The following WDR27 variants were observed in gnomAD, a reference collection of about 807,000 sequenced individuals.
WDR27 encodes the protein WD repeat domain 27.
WDR27 carries 100 observed loss-of-function variants against 114.4 expected under a neutral mutation model. That is an observed-to-expected ratio of 0.87 (90% CI 0.74 to 1.03). WDR27 has a LOEUF of 1.03. Ranked by LOEUF, WDR27 falls within the 50% of genes least tolerant of loss-of-function variation. The pLI is 0.00. For missense variants in WDR27, 1,129 were observed against 1,092.9 expected, an observed-to-expected ratio of 1.03 and a Z score of -0.47; for synonymous variants, 449 against 423.1, an observed-to-expected ratio of 1.06 and a Z score of -0.75.
chr6:169,535,832 T>A (rs916878163), intron 25 of WDR27, among the ~76,000 whole-genome samples: 15 of 152,190 alleles, frequency 9.9e-5, no homozygotes, highest in Non-Finnish European at 2.9e-5. Flanking sequence ...CTGTAAATGA[T>A]AAACAAGAGC....
chr6:169,609,006 G>C (rs994646480), intron 22 of WDR27, among the ~76,000 whole-genome samples: 4 of 152,228 alleles, frequency 2.6e-5, no homozygotes, highest in African/African-American at 9.6e-5. Flanking sequence ...CAGTGCGGCA[G>C]TCAAATCTTA....
At chr6:169,502,994 T>A (rs1160095729) in intron 25 of WDR27, among the ~76,000 whole-genome samples, 1 of 152,172 alleles carries the variant, frequency 6.6e-6, no homozygotes, top group African/African-American at 2.4e-5. Context: ...AATGTCTACC[T>A]AGTCAAAATA....
At chr6:169,587,116 A>G (rs1041483005) in intron 23 of WDR27, among the ~76,000 whole-genome samples, 2 of 151,748 alleles carry the variant, frequency 1.3e-5, no homozygotes, top group Non-Finnish European at 1.5e-5. Context: ...TTCCTTACCA[A>G]TAAATGTCCT....
intron 24 of WDR27, among the ~76,000 whole-genome samples, chr6:169,580,218 A>G (rs1399597260): frequency 6.6e-6 from 1 of 152,250 alleles, no homozygotes; most frequent in East Asian, 1.9e-4. Context: ...TCAAAACAGC[A>G]GCACCCTCAT....
chr6:169,470,556 C>A (rs1786231033), intron 25 of WDR27, among the ~76,000 whole-genome samples: 1 of 152,190 alleles, frequency 6.6e-6, no homozygotes, highest in Non-Finnish European at 1.5e-5. Context: ...CCAGGATGGT[C>A]ACATTCTGGT....
rs561503149 is a variant in WDR27, at chr6:169,679,267, T to C, written c.190-6871A>G. 7.2e-5 allele frequency among the ~76,000 whole-genome samples: 11 copies of C among 152,366 alleles called. No individual in the cohort carries two copies. The South Asian group carries it at 2.3e-3, about 32-fold the overall frequency. ...CGTTCTCAGGACCTCCTGAGGGCTA[T>C]GTCACAGGCCATGGTCACTCATACT... On this transcript the variant is annotated intron_variant, in intron 2 of 25. Coordinates refer to ENST00000448612, the MANE Select transcript of WDR27 (RefSeq NM_182552.5).
intron 23 of WDR27, among the ~76,000 whole-genome samples, chr6:169,594,655 A>G (rs1806419772): frequency 6.6e-6 from 1 of 152,222 alleles, no homozygotes; most frequent in African/African-American, 2.4e-5. Flanking sequence ...TGGCATTATA[A>G]GTATCTTTGC....
intron 1 of WDR27, among the ~76,000 whole-genome samples, chr6:169,696,680 T>G (rs560412586): frequency 6.6e-6 from 1 of 152,312 alleles, no homozygotes; most frequent in South Asian, 2.1e-4. Flanking sequence ...TTTGGGAGGC[T>G]GAGGCGGGTG....
chr6:169,668,853 C>A (rs1329767869), intron 4 of WDR27: 1 of 152,244 alleles, frequency 6.6e-6, no homozygotes, highest in Non-Finnish European at 1.5e-5. Flanking sequence ...AACTTACAAA[C>A]AGACATTTAA....
chr6:169,528,461 C>T (rs3006200), intron 25 of WDR27, among the ~76,000 whole-genome samples: 67,270 of 152,038 alleles, frequency 0.44, 18,725 homozygotes, highest in Non-Finnish European at 0.63. Context: ...GTATAAGTCA[C>T]TTTCCCTCCT....
At chr6:169,665,691 C>A in intron 6 of WDR27, 135 bp from the exon 7 acceptor site, 2 of 852,674 alleles carry the variant, frequency 2.3e-6, no homozygotes, top group East Asian at 2.8e-5. Context: ...TTGAACTATT[C>A]CAAAATAATT....
At chr6:169,650,704 T>G (rs74205821) in intron 14 of WDR27, among the ~76,000 whole-genome samples, 5,514 of 123,896 alleles carry the variant, frequency 0.045, 352 homozygotes, top group African/African-American at 0.16. Context: ...CTCCATCCCC[T>G]CCATCCACCC....
At chr6:169,603,151 C>A (rs892354175) in intron 22 of WDR27, among the ~76,000 whole-genome samples, 2 of 136,668 alleles carry the variant, frequency 1.5e-5, no homozygotes, top group African/African-American at 5.5e-5. Flanking sequence ...CAAGATAATT[C>A]TTTTTTTTTT....
chr6:169,646,364 G>A (rs1451777881), intron 16 of WDR27, among the ~76,000 whole-genome samples: 1 of 152,166 alleles, frequency 6.6e-6, no homozygotes, highest in African/African-American at 2.4e-5. Flanking sequence ...CTGAAACAAG[G>A]TCCTGGAGCC....
intron 25 of WDR27, among the ~76,000 whole-genome samples, chr6:169,546,388 A>C (rs1479251436): frequency 6.6e-6 from 1 of 152,146 alleles, no homozygotes; most frequent in African/African-American, 2.4e-5. Context: ...TCCAGCTCCC[A>C]CAGGAAGCTG....
rs1189523058 is a variant in WDR27, at chr6:169,592,710, C to T, written c.2424+9509G>A. On this transcript the variant is annotated intron_variant, in intron 23 of 25. Coordinates refer to ENST00000448612, the MANE Select transcript of WDR27 (RefSeq NM_182552.5). Reference sequence around the variant, plus strand: ...ATTTCAAGAGAAATACCTCCAATACCCTGTAAAATAGTCATGGAATTAATG... The same window carrying T: ...ATTTCAAGAGAAATACCTCCAATACTCTGTAAAATAGTCATGGAATTAATG... 2.0e-5 allele frequency among the ~76,000 whole-genome samples: 3 copies of T among 152,192 alleles called. No individual in the cohort carries two copies. In the East Asian group the frequency reaches 5.8e-4, roughly 29 times the overall value.
At chr6:169,549,193 A>C (rs11968966) in intron 25 of WDR27, among the ~76,000 whole-genome samples, 1 of 152,162 alleles carries the variant, frequency 6.6e-6, no homozygotes, top group African/African-American at 2.4e-5. Flanking sequence ...AAAGAAAATA[A>C]CCCGATAAAA....
intron 25 of WDR27, among the ~76,000 whole-genome samples, chr6:169,484,952 A>C (rs1468666582): frequency 6.6e-6 from 1 of 152,234 alleles, no homozygotes; most frequent in Non-Finnish European, 1.5e-5. Context: ...TGGTGCTGGG[A>C]TAAGTGGCTA....
intron 25 of WDR27, among the ~76,000 whole-genome samples, chr6:169,492,977 G>T (rs1789961623): frequency 6.6e-6 from 1 of 151,948 alleles, no homozygotes; most frequent in Admixed American, 6.6e-5. Flanking sequence ...GACATAAAAG[G>T]AGATAAAAGA....
Sources: allele counts gnomAD v4.1 joint callset (sites outside exome capture counted in the v4.1 genomes callset), GRCh38; gene constraint gnomAD v4.1.1; transcripts MANE v1.5; gene names NCBI Gene and HGNC (gene_info 2026-07-23, HGNC 2026-07-21).